Variants in MIPEP observed in about 807,000 individuals in gnomAD.
MIPEP encodes the protein mitochondrial intermediate peptidase.
Under a neutral mutation model 90.3 loss-of-function variants are expected in MIPEP, and 79 were observed. That is an observed-to-expected ratio of 0.87 (90% CI 0.73 to 1.05). The LOEUF is 1.05. MIPEP is among the 50% of genes least tolerant of loss of function. MIPEP has a pLI of 0.00. For synonymous variants in MIPEP, 334 were observed against 315.8 expected, an observed-to-expected ratio of 1.06 and a Z score of -0.61; for missense variants, 940 against 905.6, an observed-to-expected ratio of 1.04 and a Z score of -0.49.
chr13:23,841,190 T>C, intron 11 of MIPEP, 145 bp downstream of exon 11: 1 of 659,650 alleles, frequency 1.5e-6, no homozygotes. Flanking sequence ...AGAAGTGCAA[T>C]TTGGATTTTT....
At chr13:23,808,334 C>T (rs914403884) in intron 15 of MIPEP, among the ~76,000 whole-genome samples, 7 of 152,028 alleles carry the variant, frequency 4.6e-5, no homozygotes, top group Non-Finnish European at 8.8e-5. Context: ...CTCCTGATCT[C>T]GTGATCCGCC....
chr13:23,886,298 A>T, intron 2 of MIPEP, 35 bp downstream of exon 2: 6 of 1,394,220 alleles, frequency 4.3e-6, no homozygotes, highest in Non-Finnish European at 5.7e-6. Flanking sequence ...AAGTTGAAAG[A>T]GAGGTAGCTT....
intron 5 of MIPEP, among the ~76,000 whole-genome samples, chr13:23,871,801 G>A (rs1447062522): frequency 6.6e-6 from 1 of 151,948 alleles, no homozygotes; most frequent in Non-Finnish European, 1.5e-5. Context: ...TGCTTATTTT[G>A]TTTGATATGG....
At chr13:23,753,541 A>G (rs1952462716) in intron 18 of MIPEP, among the ~76,000 whole-genome samples, 1 of 152,238 alleles carries the variant, frequency 6.6e-6, no homozygotes, top group African/African-American at 2.4e-5. Context: ...AAGTTAAGTA[A>G]TGGAAAACTT....
Position 23,836,246 on chromosome 13 carries a change from A to G in MIPEP, c.1647T>C (p.Thr549=). Residue 549 remains threonine (T), a synonymous_variant, in exon 14 of 19, where the codon ACT becomes ACC. Transcript: ENST00000382172. The part of the protein sequence containing the change: ...VVNQFARHYQ[T]GQPLPKNMVS... ...ACAATATTACTGTTCCTACCTGTCC[A>G]GTCTGATAATGTCTGGCAAATTGGT... is the stretch of plus-strand genomic sequence containing the variant. The G allele has an allele frequency of 6.3e-7, 1 of 1,591,762 alleles. No homozygotes were observed. Among genetic ancestry groups the G allele is most frequent in the Non-Finnish European group, 8.6e-7 (1 of 1,167,654 alleles).
chr13:23,853,461 G>A (rs573413546), intron 10 of MIPEP, among the ~76,000 whole-genome samples: 4 of 152,076 alleles, frequency 2.6e-5, no homozygotes, highest in African/African-American at 9.7e-5. Context: ...GCCTAGGAGC[G>A]ACAGGCTATA....
At chr13:23,834,135 G>A (rs919698065) in intron 14 of MIPEP, among the ~76,000 whole-genome samples, 2 of 152,160 alleles carry the variant, frequency 1.3e-5, no homozygotes, top group Non-Finnish European at 2.9e-5. Flanking sequence ...CCCGGGATGA[G>A]GGGAGAGGGG....
chr13:23,813,168 T>C (rs574534120), intron 14 of MIPEP, among the ~76,000 whole-genome samples: 16 of 152,324 alleles, frequency 1.1e-4, no homozygotes, highest in Non-Finnish European at 1.6e-4. Flanking sequence ...TAAAGTTGTA[T>C]CTAAAGTTAT....
chr13:23,862,119 C>T lies in MIPEP; in HGVS notation c.1053+183G>A, dbSNP rs181161337. Among the ~76,000 whole-genome samples, 27 of 152,236 alleles carry T rather than the reference C, an allele frequency of 1.8e-4. 1 individual carries two copies. In the East Asian group the frequency reaches 4.8e-3, roughly 27 times the overall value. On this transcript the variant is annotated intron_variant, in intron 9 of 18. Transcript: ENST00000382172. ...CTCCTCAACAAAAATGCTGTATGTA[C>T]AGGCAACATCAGTTTGGGACATAAG...
chr13:23,751,856 T>C (rs777185024), intron 18 of MIPEP, among the ~76,000 whole-genome samples: 1 of 152,004 alleles, frequency 6.6e-6, no homozygotes, highest in Non-Finnish European at 1.5e-5. Flanking sequence ...AGAGGAAGAT[T>C]TTATTGTTGA....
At chr13:23,736,222 AG>A (rs1952261952) in intron 18 of MIPEP, among the ~76,000 whole-genome samples, 1 of 152,226 alleles carries the variant, frequency 6.6e-6, no homozygotes, top group Admixed American at 6.5e-5. Context: ...GGACTCAAAC[AG>A]GCAATAACTT....
At chr13:23,865,209 G>C (rs1360839152) in intron 7 of MIPEP, among the ~76,000 whole-genome samples, 1 of 152,150 alleles carries the variant, frequency 6.6e-6, no homozygotes, top group South Asian at 2.1e-4. Flanking sequence ...TGACTTATGT[G>C]TACAGAGCTT....
At chr13:23,849,539 A>G (rs1348697520) in intron 10 of MIPEP, among the ~76,000 whole-genome samples, 1 of 152,212 alleles carries the variant, frequency 6.6e-6, no homozygotes, top group Non-Finnish European at 1.5e-5. Context: ...AGTCCAATAA[A>G]CACTCTGCTA....
At chr13:23,878,162 T>C (rs1337808102) in intron 4 of MIPEP, among the ~76,000 whole-genome samples, 1 of 152,234 alleles carries the variant, frequency 6.6e-6, no homozygotes, top group African/African-American at 2.4e-5. Context: ...TCAGTACCAG[T>C]TCCGTATAAA....
In MIPEP at chr13:23,870,737, G is replaced by A. The variant is rs186366999; in HGVS notation, c.604-542C>T. Among the ~76,000 whole-genome samples, 606 of 152,106 alleles carry A rather than the reference G, an allele frequency of 4.0e-3. 6 individuals are homozygous for A. Among genetic ancestry groups the A allele is most frequent in the African/African-American group, 0.013 (548 of 41,474 alleles). On this transcript the variant is annotated intron_variant, in intron 5 of 18. Coordinates refer to ENST00000382172, the MANE Select transcript of MIPEP (RefSeq NM_005932.4). ...CGAGAATCGCTCGAACCCAGGAGGC[G>A]GAGGTTGCAATGAGCCGAGATCGCA...
rs1869214311 is a variant in MIPEP at position 23,839,737 on chromosome 13, A to C, written c.1261-11T>G. Reference sequence around the variant, plus strand: ...TTCATGAACAACAGCCTAGAAAAAAAAATTTAAATTTGGTGGTAAATGAGG... The same window carrying C: ...TTCATGAACAACAGCCTAGAAAAAACAATTTAAATTTGGTGGTAAATGAGG... On this transcript the variant is annotated splice_polypyrimidine_tract_variant and intron_variant, in intron 11 of 18. Transcript: ENST00000382172. 2 of 1,601,484 alleles carry C rather than the reference A, an allele frequency of 1.2e-6. No homozygotes were observed. The highest frequency in any genetic ancestry group is 2.3e-5 in the South Asian group (2 of 88,748).
chr13:23,784,896 C>T (rs931776741), intron 16 of MIPEP, among the ~76,000 whole-genome samples: 12 of 152,218 alleles, frequency 7.9e-5, no homozygotes, highest in Non-Finnish European at 1.8e-4. Context: ...AAATGTTCAT[C>T]ATCACTGGCC....
intron 16 of MIPEP, among the ~76,000 whole-genome samples, chr13:23,778,425 T>C (rs925718453): frequency 2.0e-5 from 3 of 152,160 alleles, no homozygotes. Context: ...GGAAGGCTGT[T>C]GGGGGCACGA....
At chr13:23,809,107 A>C (rs1328495993) in intron 15 of MIPEP, among the ~76,000 whole-genome samples, 2 of 152,186 alleles carry the variant, frequency 1.3e-5, no homozygotes, top group African/African-American at 4.8e-5. Flanking sequence ...GGTTCATGAA[A>C]GTTTTCTGGT....
Sources: allele counts gnomAD v4.1 joint callset (sites outside exome capture counted in the v4.1 genomes callset), GRCh38; gene constraint gnomAD v4.1.1; transcripts MANE v1.5; gene names NCBI Gene and HGNC (gene_info 2026-07-23, HGNC 2026-07-21).